ARHGAP12: variants seen among roughly 807,000 people sequenced by gnomAD.
The protein encoded by ARHGAP12 is rho GTPase-activating protein 12.
Under a neutral mutation model 108.6 loss-of-function variants are expected in ARHGAP12, and 64 were observed. The ratio of observed to expected loss-of-function variants is 0.59; its 90% CI spans 0.48 to 0.73. The LOEUF is 0.73. Ranked by LOEUF, ARHGAP12 falls within the 30% of genes least tolerant of loss-of-function variation. The pLI, the probability that ARHGAP12 is intolerant of heterozygous loss-of-function variation, is 0.00. For synonymous variants in ARHGAP12, 312 were observed against 337.2 expected (o/e 0.93, Z 0.82); for missense variants, 940 against 1,005.9 (o/e 0.93, Z 0.89).
chr10:31,895,632 A>G (rs1838650454), intron 3 of ARHGAP12, among the ~76,000 whole-genome samples: 1 of 152,022 alleles, frequency 6.6e-6, no homozygotes, highest in Non-Finnish European at 1.5e-5. Context: ...GAACACTTTT[A>G]CATTGGTGGG....
intron 3 of ARHGAP12, among the ~76,000 whole-genome samples, chr10:31,880,875 C>T (rs910691188): frequency 6.7e-6 from 1 of 148,924 alleles, no homozygotes; most frequent in South Asian, 2.1e-4. Flanking sequence ...GCCTGGGCAA[C>T]GTGGCAAAGC....
chr10:31,808,834 G>A, intron 18 of ARHGAP12, 83 bp from the exon 19 acceptor site: 3 of 1,448,630 alleles, frequency 2.1e-6, no homozygotes, highest in South Asian at 1.2e-5. Flanking sequence ...GCTGATATTT[G>A]GTAATACACA....
rs147307412 is a variant in ARHGAP12, at chr10:31,864,090, C to T, written c.685-2432G>A. 3.0e-3 allele frequency among the ~76,000 whole-genome samples: 461 copies of T among 152,206 alleles called. 1 individual carries two copies. The highest frequency in any genetic ancestry group is 0.011 in the African/African-American group (437 of 41,534). On this transcript the variant is annotated intron_variant, in intron 3 of 19. Transcript: ENST00000344936. ...TATAATTGCTCTACTCAACACTGTA[C>T]TGGATTTGTGCTAAGATACAAAAAA...
rs561751938 is a variant in ARHGAP12, at chr10:31,842,758, A to T, written c.1296+703T>A. On this transcript the variant is annotated intron_variant, in intron 7 of 19. Coordinates refer to ENST00000344936, the MANE Select transcript of ARHGAP12 (RefSeq NM_018287.7). ...CATGCTACAAGAAGCCTGATGATTT[A>T]AAAAACCTTTACATTTCAAAATCAA... Among the ~76,000 whole-genome samples the T allele has an allele frequency of 7.2e-5, 11 of 152,258 alleles. No homozygotes were observed. In the South Asian group the frequency reaches 1.7e-3, roughly 23 times the overall value.
intron 3 of ARHGAP12, among the ~76,000 whole-genome samples, chr10:31,862,705 G>GACAC (rs559731195): frequency 0.015 from 1,961 of 133,120 alleles, 25 homozygotes; most frequent in East Asian, 0.039. Flanking sequence ...TGCACACACA[G>GACAC]ACACACACAC....
chr10:31,918,852 A>C (rs773033498), intron 1 of ARHGAP12, among the ~76,000 whole-genome samples: 39 of 152,260 alleles, frequency 2.6e-4, no homozygotes, highest in Non-Finnish European at 3.4e-4. Flanking sequence ...TGAAAATACA[A>C]TTACCACATT....
chr10:31,845,384 T>C (rs1836416805), intron 6 of ARHGAP12, among the ~76,000 whole-genome samples: 1 of 152,214 alleles, frequency 6.6e-6, no homozygotes, highest in Non-Finnish European at 1.5e-5. Flanking sequence ...AATGTTCTAG[T>C]CTAGTTCCTA....
intron 3 of ARHGAP12, among the ~76,000 whole-genome samples, chr10:31,897,141 T>C (rs372928059): frequency 6.6e-6 from 1 of 152,092 alleles, no homozygotes; most frequent in Admixed American, 6.6e-5. Context: ...GATACTCCCA[T>C]AGCTCTGACA....
intron 10 of ARHGAP12, among the ~76,000 whole-genome samples, chr10:31,828,219 C>CTT (rs4016813): frequency 0.24 from 35,217 of 148,082 alleles, 4,514 homozygotes; most frequent in East Asian, 0.47. Flanking sequence ...CACCTTATTG[C>CTT]TTTTTTTTTT....
rs200866580 is a variant in ARHGAP12 at position 31,808,634 on chromosome 10, G to A, written c.2366+15C>T. ...TTGTGCTATACCACATCCCATGACTGGGCAGTCCTCCTACCTTCTGAGATG... is the reference window on the plus strand; with the variant it reads ...TTGTGCTATACCACATCCCATGACTAGGCAGTCCTCCTACCTTCTGAGATG... On this transcript the variant is annotated intron_variant, in intron 19 of 19. Coordinates refer to ENST00000344936, the MANE Select transcript of ARHGAP12 (RefSeq NM_018287.7). 1.9e-6 allele frequency: 3 copies of A among 1,611,138 alleles called. No homozygotes were observed. Among genetic ancestry groups the A allele is most frequent in the African/African-American group, 1.3e-5 (1 of 74,912 alleles).
At chr10:31,874,730 T>A (rs904569335) in intron 3 of ARHGAP12, among the ~76,000 whole-genome samples, 1 of 151,944 alleles carries the variant, frequency 6.6e-6, no homozygotes, top group Non-Finnish European at 1.5e-5. Flanking sequence ...TCCTAGCACT[T>A]TGGGCGGCCG....
intron 1 of ARHGAP12, among the ~76,000 whole-genome samples, chr10:31,926,944 A>C (rs920985763): frequency 1.3e-5 from 2 of 152,232 alleles, no homozygotes; most frequent in Non-Finnish European, 2.9e-5. Flanking sequence ...AGACGGCATT[A>C]TCTTAACAAT....
At chr10:31,826,423 C>T (rs1835610838) in intron 10 of ARHGAP12, 38 bp from the exon 11 acceptor site, 23 of 1,559,204 alleles carry the variant, frequency 1.5e-5, no homozygotes, top group Non-Finnish European at 2.0e-5. Flanking sequence ...GCTCCAATCT[C>T]GAGTTCTTTC....
intron 11 of ARHGAP12, among the ~76,000 whole-genome samples, chr10:31,821,846 C>T (rs79134403): frequency 6.4e-4 from 98 of 152,132 alleles, no homozygotes; most frequent in African/African-American, 2.3e-3. Flanking sequence ...CATTGTCAAT[C>T]GAAAGACAAA....
intron 5 of ARHGAP12, 81 bp downstream of exon 5, chr10:31,853,985 T>G: frequency 1.7e-5 from 24 of 1,397,258 alleles, no homozygotes; most frequent in Non-Finnish European, 2.2e-5. Context: ...TTTTTCTTTT[T>G]TAAATACTAA....
Position 31,812,509 on chromosome 10 carries a change from T to C in ARHGAP12, c.1951+198A>G, listed in dbSNP as rs1056841842. 7 of 367,022 alleles carry C rather than the reference T, an allele frequency of 1.9e-5. No homozygotes were observed. In the Admixed American group the frequency reaches 3.1e-4, roughly 16 times the overall value. 22.7% of individuals were successfully genotyped at this position (367,022 alleles called of 1,614,324 possible). On this transcript the variant is annotated intron_variant, in intron 15 of 19. Coordinates refer to ENST00000344936, the MANE Select transcript of ARHGAP12 (RefSeq NM_018287.7). ...TTCTAAAAGTTTAGTGTGTTATTTA[T>C]GTCTGTCCACTACTTTAGTTAAAAT...
chr10:31,811,809 C>T (rs1252402118), intron 15 of ARHGAP12, among the ~76,000 whole-genome samples: 2 of 152,072 alleles, frequency 1.3e-5, no homozygotes, highest in Non-Finnish European at 1.5e-5. Context: ...GCTAGGACTA[C>T]AGGTGTGTGC....
At chr10:31,883,766 C>A (rs1202360459) in intron 3 of ARHGAP12, among the ~76,000 whole-genome samples, 1 of 148,632 alleles carries the variant, frequency 6.7e-6, no homozygotes. Flanking sequence ...GGCTGGAGTT[C>A]AGTGGCGTGA....
At position 31,809,313 on chromosome 10, in the gene ARHGAP12, A is replaced by G; in HGVS notation, c.2051-6T>C. The G allele has an allele frequency of 6.2e-7, 1 of 1,612,708 alleles. No homozygotes were observed. The highest frequency in any genetic ancestry group is 8.5e-7 in the Non-Finnish European group (1 of 1,178,790). On this transcript the variant is annotated splice_polypyrimidine_tract_variant and splice_region_variant and intron_variant, in intron 16 of 19. Coordinates refer to ENST00000344936, the MANE Select transcript of ARHGAP12 (RefSeq NM_018287.7). ...TATCCCATCAATATCCAAACCTAAG[A>G]GACAATAATAATTTGTGTGTGTGTG...
Sources: gnomAD v4.1 joint callset for allele counts (sites outside exome capture counted in the v4.1 genomes callset) on GRCh38, gnomAD v4.1.1 for gene constraint, MANE v1.5 for transcripts, NCBI Gene and HGNC (gene_info 2026-07-23, HGNC 2026-07-21) for gene names.